The following C8orf34 variants were observed in gnomAD, a reference collection of about 807,000 sequenced individuals.
C8orf34 encodes the protein uncharacterized protein C8orf34.
In C8orf34, 65 loss-of-function variants were observed where a neutral mutation model predicts 68.3. The ratio of observed to expected loss-of-function variants is 0.95; its 90% CI spans 0.78 to 1.17. The LOEUF is 1.17. C8orf34 is among the 50% of genes most tolerant of loss of function. The pLI, the probability that C8orf34 is intolerant of heterozygous loss-of-function variation, is 0.00. For missense variants in C8orf34, 664 were observed against 655.4 expected, an observed-to-expected ratio of 1.01 and a Z score of -0.14; for synonymous variants, 244 against 241.2, an observed-to-expected ratio of 1.01 and a Z score of -0.11.
chr8:68,665,133 G>T (rs1043439528), intron 8 of C8orf34, among the ~76,000 whole-genome samples: 5 of 152,172 alleles, frequency 3.3e-5, no homozygotes, highest in Admixed American at 6.5e-5. Context: ...TCATCAAAAT[G>T]AAATTCACAT....
At chr8:68,441,123 C>G (rs531962538) in intron 2 of C8orf34, among the ~76,000 whole-genome samples, 1 of 150,850 alleles carries the variant, frequency 6.6e-6, no homozygotes, top group East Asian at 1.9e-4. Flanking sequence ...TTTTAAATCG[C>G]ACACATTAAG....
Position 68,535,049 on chromosome 8 carries a change from T to C in C8orf34, c.1105+1900T>C, listed in dbSNP as rs545589788. 145 of 985,190 alleles carry C rather than the reference T, an allele frequency of 1.5e-4. No individual in the cohort carries two copies. The Middle Eastern group carries it at 2.1e-3, about 14-fold the overall frequency. 61.0% of individuals were successfully genotyped at this position (985,190 alleles called of 1,614,324 possible). On this transcript the variant is annotated intron_variant, in intron 7 of 13. Transcript: ENST00000518698. ...CAAGCAGTGTAATAATGTTGGTCTC[T>C]AGGTCATGAGATTATCCTCTTATAG...
Position 68,815,932 on chromosome 8 carries a change from G to T in C8orf34, c.1596G>T (p.Thr532=). 2.5e-6 allele frequency: 4 copies of T among 1,613,622 alleles called. No individual in the cohort carries two copies. Among genetic ancestry groups the T allele is most frequent in the Non-Finnish European group, 3.4e-6 (4 of 1,179,734 alleles). ...LLCVPCSSCP[T]LVYSGL ...GCGTTCCATGCTCTTCTTGTCCTAC[G>T]CTGGTCTACTCTGGTATGTTTGCTC... Residue 532 remains threonine (T), a synonymous_variant, in exon 13 of 14, where the codon ACG becomes ACT. Transcript: ENST00000518698.
chr8:68,382,015 C>A (rs531517653), intron 1 of C8orf34, among the ~76,000 whole-genome samples: 19 of 152,204 alleles, frequency 1.2e-4, no homozygotes, highest in African/African-American at 3.9e-4. Context: ...GTATTGCAAC[C>A]TGAAATTTTC....
chr8:68,408,783 GT>G (rs1809315232), intron 1 of C8orf34, among the ~76,000 whole-genome samples: 1 of 151,942 alleles, frequency 6.6e-6, no homozygotes, highest in African/African-American at 2.4e-5. Context: ...TCTTTTGTTT[GT>G]TTTTTGTTTT....
At chr8:68,741,213 C>T (rs1003867841) in intron 10 of C8orf34, among the ~76,000 whole-genome samples, 4 of 151,982 alleles carry the variant, frequency 2.6e-5, no homozygotes, top group African/African-American at 9.7e-5. Flanking sequence ...CACATGTACC[C>T]CTGAACTTAA....
Position 68,467,920 on chromosome 8 carries a change from A to AT in C8orf34, c.608-766dup, listed in dbSNP as rs201492056. Among the ~76,000 whole-genome samples, 20 of 152,082 alleles carry AT rather than the reference A, an allele frequency of 1.3e-4. No individual in the cohort carries two copies. In the South Asian group the frequency reaches 2.1e-3, roughly 16 times the overall value. Reference sequence around the variant, plus strand: ...TTTTCTTTATTGCCACTATTAAACCATTTTTTAAAAAAAATATGCCTCGAC... The same window carrying AT: ...TTTTCTTTATTGCCACTATTAAACCATTTTTTTAAAAAAAATATGCCTCGAC... On this transcript the variant is annotated intron_variant, in intron 3 of 13. Coordinates refer to ENST00000518698, the MANE Select transcript of C8orf34 (RefSeq NM_052958.4).
intron 12 of C8orf34, among the ~76,000 whole-genome samples, chr8:68,795,144 C>T (rs954278283): frequency 2.0e-5 from 3 of 151,952 alleles, no homozygotes; most frequent in Non-Finnish European, 2.9e-5. Flanking sequence ...TAGTTTGTTC[C>T]CTTTATAATT....
Position 68,597,650 on chromosome 8 carries a change from G to A in C8orf34, c.1106-42726G>A, listed in dbSNP as rs180776099. 3.7e-4 allele frequency among the ~76,000 whole-genome samples: 56 copies of A among 151,964 alleles called. 2 individuals carry two copies. The East Asian group carries it at 5.1e-3, about 14-fold the overall frequency. Reference sequence around the variant, plus strand: ...GGGTTATTTCCCTCATTATTTTGGCGACCAAGGAAGAACCCCAAAGGGACT... The same window carrying A: ...GGGTTATTTCCCTCATTATTTTGGCAACCAAGGAAGAACCCCAAAGGGACT... On this transcript the variant is annotated intron_variant, in intron 7 of 13. Transcript: ENST00000518698.
At chr8:68,594,131 A>G (rs1256748375) in intron 7 of C8orf34, among the ~76,000 whole-genome samples, 1 of 152,010 alleles carries the variant, frequency 6.6e-6, no homozygotes, top group African/African-American at 2.4e-5. Flanking sequence ...ATTTTTTAGA[A>G]TGGTTAAACT....
chr8:68,679,955 A>G (rs1820317273), intron 8 of C8orf34, among the ~76,000 whole-genome samples: 1 of 152,206 alleles, frequency 6.6e-6, no homozygotes, highest in Admixed American at 6.6e-5. Flanking sequence ...TTCAAATATA[A>G]GGCCTCAATC....
intron 10 of C8orf34, among the ~76,000 whole-genome samples, chr8:68,749,346 C>T (rs1461018664): frequency 2.6e-5 from 4 of 151,682 alleles, no homozygotes; most frequent in East Asian, 1.9e-4. Context: ...ATGTAACTAA[C>T]GTGCACATTG....
intron 10 of C8orf34, among the ~76,000 whole-genome samples, chr8:68,771,959 G>A (rs912207256): frequency 2.0e-5 from 3 of 152,140 alleles, no homozygotes; most frequent in Non-Finnish European, 1.5e-5. Flanking sequence ...ACCTAACACA[G>A]TATATGGCAC....
chr8:68,650,477 C>CTTTT (rs57112362), intron 8 of C8orf34, among the ~76,000 whole-genome samples: 3 of 120,838 alleles, frequency 2.5e-5, no homozygotes, highest in African/African-American at 3.3e-5. Context: ...CCACCCTAGT[C>CTTTT]TTTTTTTTTT....
At chr8:68,640,968 G>A (rs1014728729) in intron 8 of C8orf34, among the ~76,000 whole-genome samples, 2 of 152,174 alleles carry the variant, frequency 1.3e-5, no homozygotes, top group Non-Finnish European at 2.9e-5. Flanking sequence ...TTCAGTTTTG[G>A]CAGCTGGAAG....
intron 11 of C8orf34, among the ~76,000 whole-genome samples, chr8:68,782,480 C>T (rs1383328923): frequency 1.3e-5 from 2 of 150,058 alleles, no homozygotes; most frequent in African/African-American, 4.9e-5. Context: ...CATCTAGTGC[C>T]TCTCACATTC....
chr8:68,435,061 AAAG>A (rs1485875172), intron 1 of C8orf34, among the ~76,000 whole-genome samples: 1 of 151,320 alleles, frequency 6.6e-6, no homozygotes, highest in African/African-American at 2.4e-5. Context: ...AAAAAAAAAA[AAAG>A]AGAATATTGA....
chr8:68,650,721 C>T (rs545099526), intron 8 of C8orf34, among the ~76,000 whole-genome samples: 4 of 152,112 alleles, frequency 2.6e-5, no homozygotes, highest in South Asian at 4.1e-4. Flanking sequence ...CCTCGTGATC[C>T]GCCCGCCTCG....
chr8:68,815,335 C>CAT (rs1824776946), intron 12 of C8orf34, among the ~76,000 whole-genome samples: 1 of 150,956 alleles, frequency 6.6e-6, no homozygotes, highest in Non-Finnish European at 1.5e-5. Flanking sequence ...AGTGTGTGTG[C>CAT]ATATATATGG....
Sources: gnomAD v4.1 joint callset for allele counts (sites outside exome capture counted in the v4.1 genomes callset) on GRCh38, gnomAD v4.1.1 for gene constraint, MANE v1.5 for transcripts, NCBI Gene and HGNC (gene_info 2026-07-23, HGNC 2026-07-21) for gene names.